The following MAGI2 variants were observed in gnomAD, a reference collection of about 807,000 sequenced individuals.
MAGI2 encodes the protein membrane-associated guanylate kinase, WW and PDZ domain-containing protein 2.
A neutral mutation model predicts 133.3 loss-of-function variants in MAGI2; 35 were observed. That is an observed-to-expected ratio of 0.26 (90% CI 0.20 to 0.35). The LOEUF (loss-of-function observed/expected upper bound fraction) is 0.35, where lower values mean the gene tolerates loss of function less well. MAGI2 is among the 10% of genes least tolerant of loss of function. The probability of loss-of-function intolerance (pLI) is 1.00; values close to 1 mark genes in which losing one functional copy is unlikely to be tolerated. For synonymous variants in MAGI2, 729 were observed against 710.6 expected, an observed-to-expected ratio of 1.03 and a Z score of -0.41; for missense variants, 1,636 against 1,863.4, an observed-to-expected ratio of 0.88 and a Z score of 2.25.
chr7:79,296,498 CA>C (rs1217966778), intron 1 of MAGI2, among the ~76,000 whole-genome samples: 2 of 152,146 alleles, frequency 1.3e-5, no homozygotes, highest in Non-Finnish European at 2.9e-5. Flanking sequence ...TAACACTCCT[CA>C]GTCATAAAAC....
At chr7:78,515,950 T>C (rs772353742) in intron 4 of MAGI2, among the ~76,000 whole-genome samples, 25 of 152,184 alleles carry the variant, frequency 1.6e-4, no homozygotes, top group Non-Finnish European at 3.5e-4. Flanking sequence ...TATATGGGGA[T>C]GCCAGACATG....
At chr7:78,205,704 G>T (rs965549392) in intron 10 of MAGI2, among the ~76,000 whole-genome samples, 1 of 151,904 alleles carries the variant, frequency 6.6e-6, no homozygotes, top group African/African-American at 2.4e-5. Context: ...ATCCTATATA[G>T]AGAACAATTT....
chr7:78,196,334 C>T (rs1044811927), intron 11 of MAGI2, among the ~76,000 whole-genome samples: 3 of 152,026 alleles, frequency 2.0e-5, no homozygotes, highest in Admixed American at 1.3e-4. Context: ...TCAAACAGAT[C>T]AGACGCAAAC....
At chr7:78,691,919 G>A (rs1411342950) in intron 2 of MAGI2, among the ~76,000 whole-genome samples, 6 of 152,172 alleles carry the variant, frequency 3.9e-5, no homozygotes, top group East Asian at 3.8e-4. Context: ...TGATAATGAT[G>A]TGTCAGTAAA....
At chr7:78,151,021 C>T (rs1463313526) in intron 16 of MAGI2, among the ~76,000 whole-genome samples, 5 of 149,494 alleles carry the variant, frequency 3.3e-5, no homozygotes, top group South Asian at 2.1e-4. Context: ...TTCAGTGTTC[C>T]GGTATCAGGG....
At chr7:78,684,095 A>G (rs998876477) in intron 2 of MAGI2, among the ~76,000 whole-genome samples, 2 of 152,210 alleles carry the variant, frequency 1.3e-5, no homozygotes, top group African/African-American at 2.4e-5. Context: ...GCTAAGCCCA[A>G]TATAGTATGT....
chr7:78,695,203 C>T (rs1200762707), intron 2 of MAGI2, among the ~76,000 whole-genome samples: 5 of 151,976 alleles, frequency 3.3e-5, no homozygotes, highest in South Asian at 4.2e-4. Flanking sequence ...CCAGCCTGGG[C>T]GACAGAGCGA....
At chr7:78,955,771 T>TTCTC (rs1802315617) in intron 2 of MAGI2, among the ~76,000 whole-genome samples, 1 of 149,700 alleles carries the variant, frequency 6.7e-6, no homozygotes, top group Non-Finnish European at 1.5e-5. Flanking sequence ...CTTTCTTTCT[T>TTCTC]TCTTTCTTTC....
intron 11 of MAGI2, among the ~76,000 whole-genome samples, chr7:78,196,708 G>T (rs1828773298): frequency 6.6e-6 from 1 of 152,178 alleles, no homozygotes. Flanking sequence ...TGTGGCAGGG[G>T]TTCATGTTGA....
At chr7:79,173,060 A>G (rs1825763068) in intron 1 of MAGI2, 1 of 152,048 alleles carries the variant, frequency 6.6e-6, no homozygotes, top group South Asian at 2.1e-4. Context: ...TAAAATAAAG[A>G]AAATCAATTA....
intron 1 of MAGI2, among the ~76,000 whole-genome samples, chr7:79,326,946 A>G (rs1839742276): frequency 6.6e-6 from 1 of 152,190 alleles, no homozygotes. Flanking sequence ...AAGACGAAAG[A>G]AGATGTTTTC....
intron 9 of MAGI2, among the ~76,000 whole-genome samples, chr7:78,324,177 C>CACTACACTAT (rs1788333798): frequency 1.3e-5 from 2 of 149,622 alleles, no homozygotes; most frequent in Non-Finnish European, 3.0e-5. Context: ...CTACACACTA[C>CACTACACTAT]ACTACACTAC....
chr7:79,451,629 C>A (rs1018082987), intron 1 of MAGI2, among the ~76,000 whole-genome samples: 4 of 152,140 alleles, frequency 2.6e-5, no homozygotes, highest in African/African-American at 9.7e-5. Flanking sequence ...CCCAGTACTT[C>A]TTTTTATCTT....
chr7:79,239,787 C>A (rs1365446713), intron 1 of MAGI2, among the ~76,000 whole-genome samples: 3 of 152,110 alleles, frequency 2.0e-5, no homozygotes, highest in African/African-American at 7.2e-5. Context: ...GCCACATTAC[C>A]CACAAAATGA....
intron 1 of MAGI2, among the ~76,000 whole-genome samples, chr7:79,150,864 A>C (rs1390271189): frequency 6.6e-6 from 1 of 152,108 alleles, no homozygotes; most frequent in Admixed American, 6.6e-5. Flanking sequence ...TCTATAAAGT[A>C]GTGGGTTCTT....
At chr7:79,361,161 G>C (rs1563151782) in intron 1 of MAGI2, among the ~76,000 whole-genome samples, 1 of 152,166 alleles carries the variant, frequency 6.6e-6, no homozygotes, top group Admixed American at 6.5e-5. Context: ...CTACTAGGAA[G>C]ACTTAATGAT....
intron 2 of MAGI2, among the ~76,000 whole-genome samples, chr7:78,900,368 G>C (rs2151590996): frequency 6.6e-6 from 1 of 152,014 alleles, no homozygotes; most frequent in East Asian, 1.9e-4. Context: ...TCCCTACAAG[G>C]CCTTTTAGAG....
At chr7:79,431,253 T>G (rs1487591565) in intron 1 of MAGI2, among the ~76,000 whole-genome samples, 1 of 152,204 alleles carries the variant, frequency 6.6e-6, no homozygotes, top group Non-Finnish European at 1.5e-5. Flanking sequence ...AATGCAATAT[T>G]TATAATCTAC....
intron 1 of MAGI2, among the ~76,000 whole-genome samples, chr7:79,367,144 C>T (rs1842753554): frequency 6.6e-6 from 1 of 152,202 alleles, no homozygotes; most frequent in Admixed American, 6.5e-5. Flanking sequence ...CCAAATCCCT[C>T]TTCCTTCCAC....
Sources: gnomAD v4.1 joint callset for allele counts (sites outside exome capture counted in the v4.1 genomes callset) on GRCh38, gnomAD v4.1.1 for gene constraint, MANE v1.5 for transcripts, NCBI Gene and HGNC (gene_info 2026-07-23, HGNC 2026-07-21) for gene names.